CCDC102B: variants seen among roughly 807,000 people sequenced by gnomAD.
CCDC102B encodes the protein coiled-coil domain containing 102B.
A neutral mutation model predicts 57.4 loss-of-function variants in CCDC102B; 75 were observed. The ratio of observed to expected loss-of-function variants is 1.31; its 90% CI spans 1.08 to 1.58. The LOEUF (loss-of-function observed/expected upper bound fraction) is 1.58, where lower values mean the gene tolerates loss of function less well. Among genes scored for constraint, CCDC102B ranks in the 40% most tolerant of loss-of-function variants. The pLI is 0.00. For missense variants in CCDC102B, 636 were observed against 582.6 expected (o/e 1.09, Z -0.94); for synonymous variants, 206 against 201.9 (o/e 1.02, Z -0.17).
intron 2 of CCDC102B, among the ~76,000 whole-genome samples, chr18:68,741,928 G>T (rs888102202): frequency 6.6e-6 from 1 of 152,108 alleles, no homozygotes; most frequent in Non-Finnish European, 1.5e-5. Context: ...CCTCAACATG[G>T]TTATCAACTT....
chr18:68,996,937 C>A (rs566661191), intron 6 of CCDC102B, among the ~76,000 whole-genome samples: 2 of 152,196 alleles, frequency 1.3e-5, no homozygotes, highest in African/African-American at 2.4e-5. Flanking sequence ...CTGTAATCCT[C>A]ATGTTTCAAA....
At chr18:68,741,187 T>C (rs762976745) in intron 2 of CCDC102B, among the ~76,000 whole-genome samples, 2 of 152,208 alleles carry the variant, frequency 1.3e-5, no homozygotes, top group African/African-American at 2.4e-5. Context: ...ATGGCAGCTT[T>C]ACTTGCAGAT....
chr18:68,945,663 A>G (rs2049519125), intron 6 of CCDC102B, among the ~76,000 whole-genome samples: 1 of 152,072 alleles, frequency 6.6e-6, no homozygotes, highest in African/African-American at 2.4e-5. Context: ...TTCCACATAA[A>G]TGTTGTGGAA....
chr18:68,747,408 T>G (rs2033662335), intron 2 of CCDC102B, among the ~76,000 whole-genome samples: 1 of 152,104 alleles, frequency 6.6e-6, no homozygotes. Context: ...ACTTTTAATT[T>G]TAAAGTGCAT....
chr18:68,890,877 T>C (rs2040050946), intron 5 of CCDC102B, among the ~76,000 whole-genome samples: 1 of 152,204 alleles, frequency 6.6e-6, no homozygotes, highest in African/African-American at 2.4e-5. Context: ...TTCATTTTTT[T>C]CTAGACTTTG....
chr18:68,820,900 A>G (rs1484225756), intron 1 of CCDC102B, among the ~76,000 whole-genome samples: 1 of 152,180 alleles, frequency 6.6e-6, no homozygotes, highest in Non-Finnish European at 1.5e-5. Context: ...AAGTATGGGT[A>G]CCAGTGCTCA....
chr18:68,984,762 A>G (rs746291449), intron 6 of CCDC102B, among the ~76,000 whole-genome samples: 25 of 152,246 alleles, frequency 1.6e-4, no homozygotes, highest in South Asian at 1.2e-3. Flanking sequence ...TAAATATTCC[A>G]CAGTGAAGGA....
intron 6 of CCDC102B, among the ~76,000 whole-genome samples, chr18:68,988,743 T>C (rs781262272): frequency 4.6e-5 from 7 of 152,190 alleles, no homozygotes; most frequent in Non-Finnish European, 8.8e-5. Context: ...TTCAGCAGTA[T>C]TGGTGTGCAA....
intron 7 of CCDC102B, among the ~76,000 whole-genome samples, chr18:69,052,612 A>G (rs527624620): frequency 7.2e-5 from 11 of 152,002 alleles, no homozygotes; most frequent in African/African-American, 2.2e-4. Flanking sequence ...ATAGATTTAG[A>G]TGGTATAGCC....
rs755844623 is a variant in CCDC102B at position 68,897,489 on chromosome 18, G to C, written c.1263+61G>C. 1.9e-6 allele frequency: 3 copies of C among 1,578,230 alleles called. No homozygotes were observed. In the African/African-American group the frequency reaches 4.0e-5, roughly 21 times the overall value. ...AATCTCACTCTGATGCCTACGCAGA[G>C]TCTGTCTTCACTCGTACACGCCTCC... On this transcript the variant is annotated intron_variant, in intron 6 of 7. Transcript: ENST00000360242.
intron 6 of CCDC102B, among the ~76,000 whole-genome samples, chr18:68,942,009 C>T (rs1411996040): frequency 1.3e-5 from 2 of 151,934 alleles, no homozygotes; most frequent in Admixed American, 1.3e-4. Flanking sequence ...TTGTGCTCGT[C>T]AACTCGTACT....
intron 6 of CCDC102B, among the ~76,000 whole-genome samples, chr18:68,944,028 ATC>A (rs1374789883): frequency 2.6e-5 from 4 of 152,170 alleles, no homozygotes; most frequent in African/African-American, 9.7e-5. Context: ...TTATGTTGTT[ATC>A]TCTTTGATAA....
At position 69,050,145 on chromosome 18, in the gene CCDC102B, G is replaced by A. The variant is rs1030638389; in HGVS notation, c.1435-3885G>A. On this transcript the variant is annotated intron_variant, in intron 7 of 7. Transcript: ENST00000360242. Reference sequence around the variant, plus strand: ...TTTCTAAAACCTTGATATTGTCTATGAGCCAAGTGTTGAAGGAGCAAATTA... The same window carrying A: ...TTTCTAAAACCTTGATATTGTCTATAAGCCAAGTGTTGAAGGAGCAAATTA... 2.8e-4 allele frequency among the ~76,000 whole-genome samples: 43 copies of A among 151,062 alleles called. 1 individual carries two copies. Among genetic ancestry groups the A allele is most frequent in the Non-Finnish European group, 7.4e-5 (5 of 68,012 alleles).
intron 6 of CCDC102B, among the ~76,000 whole-genome samples, chr18:68,949,036 C>A (rs1323858391): frequency 6.6e-6 from 1 of 152,084 alleles, no homozygotes; most frequent in African/African-American, 2.4e-5. Context: ...AGGAAGCATC[C>A]AGCAGGGGAC....
intron 6 of CCDC102B, among the ~76,000 whole-genome samples, chr18:68,905,537 A>G (rs1676251520): frequency 6.6e-6 from 1 of 151,460 alleles, no homozygotes; most frequent in Non-Finnish European, 1.5e-5. Context: ...TAACCATTTT[A>G]AAGTGAACAT....
At chr18:68,998,665 G>A (rs1376257557) in intron 6 of CCDC102B, among the ~76,000 whole-genome samples, 1 of 151,622 alleles carries the variant, frequency 6.6e-6, no homozygotes, top group Admixed American at 6.6e-5. Context: ...CAAACCACTG[G>A]TATAGGTCCA....
chr18:68,846,751 GAC>G (rs1474231846), intron 4 of CCDC102B, among the ~76,000 whole-genome samples: 1 of 151,738 alleles, frequency 6.6e-6, no homozygotes, highest in African/African-American at 2.4e-5. Flanking sequence ...TGAGCTACAT[GAC>G]ACAATTAATA....
chr18:69,011,647 TCAGCTG>T (rs1380918304), intron 7 of CCDC102B, among the ~76,000 whole-genome samples: 1 of 152,068 alleles, frequency 6.6e-6, no homozygotes, highest in Non-Finnish European at 1.5e-5. Flanking sequence ...GGGGGTGATT[TCAGCTG>T]CAGTTACAAA....
At chr18:68,875,049 A>C (rs1167819867) in intron 5 of CCDC102B, 1 of 217,140 alleles carries the variant, frequency 4.6e-6, no homozygotes, top group African/African-American at 2.3e-5. Flanking sequence ...CTTACTGTGC[A>C]TAAATATTTT....
Sources: allele counts gnomAD v4.1 joint callset (sites outside exome capture counted in the v4.1 genomes callset), GRCh38; gene constraint gnomAD v4.1.1; transcripts MANE v1.5; gene names NCBI Gene and HGNC (gene_info 2026-07-23, HGNC 2026-07-21).